XNDC1N: variants seen among roughly 807,000 people sequenced by gnomAD.
XNDC1N encodes protein XNDC1N.
At chr11:71,878,802 G>A in the XNDC1N span, among the ~76,000 whole-genome samples, 1 of 151,114 alleles carries the variant, frequency 6.6e-6, no homozygotes, top group Admixed American at 6.6e-5. Context: ...CCCGGTGGGG[G>A]CAACAGGGTG....
chr11:71,871,822 C>A, the XNDC1N span, among the ~76,000 whole-genome samples: 1 of 152,100 alleles, frequency 6.6e-6, no homozygotes, highest in African/African-American at 2.4e-5. Flanking sequence ...AGCCACTTAA[C>A]ACACACTAGA....
chr11:71,907,201 TCAAA>T, the XNDC1N span, among the ~76,000 whole-genome samples: 14 of 152,070 alleles, frequency 9.2e-5, no homozygotes, highest in African/African-American at 3.4e-4. Context: ...CCCCCGGGAC[TCAAA>T]CAGTGACACA....
At chr11:71,916,040 A>C in the XNDC1N span, 1,303 of 686,356 alleles carry the variant, frequency 1.9e-3, 2 homozygotes, top group Non-Finnish European at 2.9e-3. Flanking sequence ...AAGGAAGGGA[A>C]AACATTAAAT....
At chr11:71,897,472 A>G in the XNDC1N span, among the ~76,000 whole-genome samples, 1 of 152,252 alleles carries the variant, frequency 6.6e-6, no homozygotes, top group African/African-American at 2.4e-5. Flanking sequence ...ATAAGCATCT[A>G]AGGTGATGTT....
At chr11:71,898,782 A>T in the XNDC1N span, among the ~76,000 whole-genome samples, 1 of 152,178 alleles carries the variant, frequency 6.6e-6, no homozygotes, top group African/African-American at 2.4e-5. Flanking sequence ...TGTTCTGGAG[A>T]CGATGACGGT....
At chr11:71,927,559 G>T in the XNDC1N span, 1 of 151,362 alleles carries the variant, frequency 6.6e-6, no homozygotes, top group East Asian at 1.9e-4. Context: ...AAAACAAAAT[G>T]AAACACAATA....
the XNDC1N span, among the ~76,000 whole-genome samples, chr11:71,877,728 T>C: frequency 6.6e-6 from 1 of 152,250 alleles, no homozygotes; most frequent in Non-Finnish European, 1.5e-5. Context: ...TTTATGTTCA[T>C]TTCCTTAGTG....
chr11:71,891,460 T>C, the XNDC1N span, among the ~76,000 whole-genome samples: 1 of 151,804 alleles, frequency 6.6e-6, no homozygotes, highest in Non-Finnish European at 1.5e-5. Flanking sequence ...TTGGGAGTAA[T>C]GTCATCCTCC....
the XNDC1N span, among the ~76,000 whole-genome samples, chr11:71,872,804 T>C: frequency 6.8e-4 from 103 of 152,326 alleles, no homozygotes; most frequent in Non-Finnish European, 1.3e-3. Flanking sequence ...CTAGCACCTT[T>C]TGGATGTAAA....
At chr11:71,875,235 T>G in the XNDC1N span, among the ~76,000 whole-genome samples, 2 of 151,880 alleles carry the variant, frequency 1.3e-5, no homozygotes, top group African/African-American at 4.8e-5. Flanking sequence ...TATAATAAAG[T>G]AATACTTATT....
At chr11:71,892,234 T>C in the XNDC1N span, among the ~76,000 whole-genome samples, 4 of 152,056 alleles carry the variant, frequency 2.6e-5, no homozygotes, top group African/African-American at 9.7e-5. Context: ...AGGAGTAATA[T>C]CTACCTAGTA....
the XNDC1N span, among the ~76,000 whole-genome samples, chr11:71,886,964 T>C: frequency 2.0e-5 from 3 of 151,888 alleles, no homozygotes; most frequent in Non-Finnish European, 4.4e-5. Context: ...TGTAAAGAAA[T>C]AGGACAGTGG....
At chr11:71,898,802 T>C in the XNDC1N span, among the ~76,000 whole-genome samples, 13 of 152,292 alleles carry the variant, frequency 8.5e-5, no homozygotes, top group East Asian at 5.8e-4. Context: ...TGATGGTTGC[T>C]AAACAATGTG....
the XNDC1N span, chr11:71,917,174 C>A: frequency 6.7e-6 from 3 of 450,690 alleles, no homozygotes; most frequent in Admixed American, 1.1e-4. Context: ...CCACCATGCC[C>A]GGCTAATTTT....
the XNDC1N span, among the ~76,000 whole-genome samples, chr11:71,920,897 G>A: frequency 1.3e-5 from 2 of 152,080 alleles, no homozygotes; most frequent in African/African-American, 2.4e-5. Context: ...CCTGGGAGGC[G>A]GAGGTTGCGG....
At chr11:71,903,649 TC>T in the XNDC1N span, 280 of 411,742 alleles carry the variant, frequency 6.8e-4, no homozygotes, top group East Asian at 1.7e-3. Flanking sequence ...GTTTTTTTTT[TC>T]TTTTTTTTTT....
chr11:71,893,562 C>A, the XNDC1N span: 6 of 948,128 alleles, frequency 6.3e-6, no homozygotes, highest in Non-Finnish European at 1.0e-5. Context: ...TGTCCCTGTC[C>A]CTGTCCATGC....
the XNDC1N span, among the ~76,000 whole-genome samples, chr11:71,915,228 C>G: frequency 2.0e-5 from 3 of 152,072 alleles, no homozygotes; most frequent in African/African-American, 7.2e-5. Context: ...ACGGGAGGAT[C>G]ACGAGGTCAG....
the XNDC1N span, among the ~76,000 whole-genome samples, chr11:71,885,789 T>C: frequency 6.6e-6 from 1 of 151,896 alleles, no homozygotes; most frequent in Non-Finnish European, 1.5e-5. Context: ...AATATTAATA[T>C]TAATTCTTAG....
Sources: allele counts gnomAD v4.1 joint callset (sites outside exome capture counted in the v4.1 genomes callset), GRCh38; gene constraint gnomAD v4.1.1; transcripts MANE v1.5; gene names NCBI Gene and HGNC (gene_info 2026-07-23, HGNC 2026-07-21).